Variants in LARGE1 observed in about 807,000 individuals in gnomAD.
LARGE1 encodes xylosyl- and glucuronyltransferase LARGE1.
Under a neutral mutation model 87.6 loss-of-function variants are expected in LARGE1, and 43 were observed. The observed-to-expected ratio is 0.49, with a 90% CI of 0.38 to 0.63. The LOEUF is 0.63. Among genes scored for constraint, LARGE1 ranks in the 30% least tolerant of loss-of-function variants. The pLI is 0.00. For missense variants in LARGE1, 802 were observed against 1,000.2 expected, an observed-to-expected ratio of 0.80 and a Z score of 2.67; for synonymous variants, 434 against 394.6, an observed-to-expected ratio of 1.10 and a Z score of -1.18.
Position 33,390,828 on chromosome 22 carries a change from G to A in LARGE1, c.893-6524C>T, listed in dbSNP as rs113853238. ...TGTGCCTCAGCCTCCTGAGTAAGTA[G>A]GACCACAGGTGTGCGCCACCAGGCC... On this transcript the variant is annotated intron_variant, in intron 7 of 14. Coordinates refer to ENST00000397394, the MANE Select transcript of LARGE1 (RefSeq NM_133642.5). Among the ~76,000 whole-genome samples the A allele has an allele frequency of 5.9e-3, 896 of 152,034 alleles. 9 individuals are homozygous for A. The highest frequency in any genetic ancestry group is 0.031 in the South Asian group (148 of 4,806).
chr22:33,492,604 T>C (rs1391846498), intron 6 of LARGE1, among the ~76,000 whole-genome samples: 1 of 152,166 alleles, frequency 6.6e-6, no homozygotes, highest in Non-Finnish European at 1.5e-5. Flanking sequence ...GGCTGCAAGC[T>C]CCGGGAGCTT....
At chr22:33,270,184 G>C (rs899436779), downstream of LARGE1, among the ~76,000 whole-genome samples, 3 of 152,054 alleles carry the variant, frequency 2.0e-5, no homozygotes, top group Admixed American at 2.0e-4. Context: ...TAAATGAATG[G>C]AAACAAAGAT....
intron 11 of LARGE1, among the ~76,000 whole-genome samples, chr22:33,196,320 A>G (rs1311801984): frequency 6.6e-6 from 1 of 152,158 alleles, no homozygotes; most frequent in Non-Finnish European, 1.5e-5. Flanking sequence ...CAGAGTTATC[A>G]CTAAAGATGC....
chr22:33,388,217 G>C (rs1393198926), intron 7 of LARGE1, among the ~76,000 whole-genome samples: 1 of 152,044 alleles, frequency 6.6e-6, no homozygotes, highest in Admixed American at 6.6e-5. Flanking sequence ...TCTCCTGAAG[G>C]ACATTTTGGT....
intron 6 of LARGE1, among the ~76,000 whole-genome samples, chr22:33,521,022 G>A (rs1405517649): frequency 2.6e-5 from 4 of 152,198 alleles, no homozygotes; most frequent in African/African-American, 4.8e-5. Flanking sequence ...AGTCCCCAGC[G>A]CTTGCCAAAG....
chr22:33,427,507 G>A (rs1453511686), intron 7 of LARGE1, among the ~76,000 whole-genome samples: 1 of 152,164 alleles, frequency 6.6e-6, no homozygotes, highest in East Asian at 1.9e-4. Context: ...GACTCTTGTA[G>A]GGGGAAAAGT....
intron 2 of LARGE1, among the ~76,000 whole-genome samples, chr22:33,739,481 C>A (rs1319995014): frequency 2.6e-5 from 4 of 152,214 alleles, no homozygotes; most frequent in South Asian, 2.1e-4. Flanking sequence ...ATTTACCCTG[C>A]AGCCACGCAA....
At chr22:33,197,369 ATGTGAT>A (rs1322096393) in intron 11 of LARGE1, among the ~76,000 whole-genome samples, 1 of 152,016 alleles carries the variant, frequency 6.6e-6, no homozygotes, top group Non-Finnish European at 1.5e-5. Context: ...TTTACAGAAA[ATGTGAT>A]TGTTTATATA....
chr22:33,363,513 A>G (rs1263206286), intron 9 of LARGE1, among the ~76,000 whole-genome samples: 1 of 149,414 alleles, frequency 6.7e-6, no homozygotes, highest in Admixed American at 6.6e-5. Context: ...TGATTCAATT[A>G]CGTAACTCCC....
chr22:33,466,370 C>CCTCT (rs145185909), intron 6 of LARGE1, among the ~76,000 whole-genome samples: 8,218 of 144,512 alleles, frequency 0.057, 303 homozygotes, highest in African/African-American at 0.1. Flanking sequence ...TTTTCTCTTG[C>CCTCT]CTCTCTCTCT....
chr22:33,146,632 T>C, the LARGE1 span, among the ~76,000 whole-genome samples: 1 of 152,270 alleles, frequency 6.6e-6, no homozygotes, highest in East Asian at 1.9e-4. Context: ...ACATATTCCA[T>C]GGTGGAGCAG....
the LARGE1 span, among the ~76,000 whole-genome samples, chr22:33,147,661 A>C: frequency 1.3e-5 from 2 of 152,342 alleles, no homozygotes; most frequent in South Asian, 4.1e-4. Flanking sequence ...ATATTGAAAG[A>C]ATACTAATTC....
chr22:33,813,643 A>G (rs935445560), intron 1 of LARGE1, among the ~76,000 whole-genome samples: 8 of 152,156 alleles, frequency 5.3e-5, no homozygotes, highest in African/African-American at 1.7e-4. Flanking sequence ...ACAAAACACT[A>G]CTGCAGGATG....
At chr22:33,459,592 G>T (rs530591626) in intron 6 of LARGE1, among the ~76,000 whole-genome samples, 1 of 152,166 alleles carries the variant, frequency 6.6e-6, no homozygotes, top group Admixed American at 6.6e-5. Context: ...AGCCCAGACA[G>T]CCCAATTCAT....
chr22:33,739,308 G>C (rs536810887), intron 2 of LARGE1, among the ~76,000 whole-genome samples: 1 of 152,008 alleles, frequency 6.6e-6, no homozygotes, highest in African/African-American at 2.4e-5. Flanking sequence ...ATGAACTCTC[G>C]AGCCTCCCTG....
At chr22:33,266,866 G>GA (rs568555249) in intron 11 of LARGE1, among the ~76,000 whole-genome samples, 12,001 of 141,402 alleles carry the variant, frequency 0.085, 645 homozygotes, top group African/African-American at 0.12. Context: ...GGAGTCAGAG[G>GA]AAAAAAAAAA....
intron 1 of LARGE1, among the ~76,000 whole-genome samples, chr22:33,794,066 T>C (rs935933697): frequency 5.9e-5 from 9 of 152,150 alleles, no homozygotes; most frequent in African/African-American, 2.2e-4. Flanking sequence ...GCTGCAAGCA[T>C]GAAGATGGTA....
At chr22:33,734,534 CAGT>C (rs1396338254) in intron 2 of LARGE1, among the ~76,000 whole-genome samples, 7 of 152,154 alleles carry the variant, frequency 4.6e-5, no homozygotes, top group African/African-American at 1.7e-4. Flanking sequence ...ACTAAAACAA[CAGT>C]AGTATTGTGC....
In LARGE1 at chr22:33,364,108, G is replaced by T. The variant is rs563409317; in HGVS notation, c.1131+17811C>A. Among the ~76,000 whole-genome samples the T allele has an allele frequency of 2.5e-4, 32 of 130,506 alleles. 1 individual carries two copies. The highest frequency in any genetic ancestry group is 6.4e-4 in the African/African-American group (23 of 36,090). The allele number at this position is 130,506 out of a possible 152,430, so 85.6% of individuals were successfully genotyped here. A position where few individuals can be genotyped will look rare whatever the true frequency, so the allele number is the denominator to read the frequency against. ...CTCGCTCTGTCGCCCAGGCTGGAGT[G>T]CAGTGGCGCAATCTCGGCTCACTGC... On this transcript the variant is annotated intron_variant, in intron 9 of 14. Transcript: ENST00000397394.
Sources: gnomAD v4.1 joint callset for allele counts (sites outside exome capture counted in the v4.1 genomes callset) on GRCh38, gnomAD v4.1.1 for gene constraint, MANE v1.5 for transcripts, NCBI Gene and HGNC (gene_info 2026-07-23, HGNC 2026-07-21) for gene names.